FANCD2: variants seen among roughly 807,000 people sequenced by gnomAD.
FANCD2 encodes the protein FA complementation group D2.
A neutral mutation model predicts 192.3 loss-of-function variants in FANCD2; 131 were observed. That is an observed-to-expected ratio of 0.68 (90% CI 0.59 to 0.79). FANCD2 has a LOEUF of 0.79. FANCD2 is among the 30% of genes least tolerant of loss of function. The pLI, the probability that FANCD2 is intolerant of heterozygous loss-of-function variation, is 0.00. For synonymous variants in FANCD2, 524 were observed against 612.5 expected (o/e 0.86, Z 2.13); for missense variants, 1,508 against 1,701.6 (o/e 0.89, Z 2.00).
Position 10,039,842 on chromosome 3 carries a change from TCAGGTGGATAAACC to T in FANCD2, c.694_695+12del, listed in dbSNP as rs755926702. ...CAGCACGCTGATGTGGGGAAAGAAC[TCAGGTGGATAAACC>T]CTCTGTCATCATCTAAGTGAGGCTC... On this transcript the variant is annotated splice_donor_variant and splice_donor_5th_base_variant and coding_sequence_variant and intron_variant, in exon 9 of 44. Coordinates refer to ENST00000675286, the MANE Select transcript of FANCD2 (RefSeq NM_001018115.3). LOFTEE classifies it high-confidence loss of function. 4.3e-6 allele frequency: 7 copies of T among 1,613,974 alleles called. No homozygotes were observed. The South Asian group carries it at 7.7e-5, about 18-fold the overall frequency.
intron 26 of FANCD2, among the ~76,000 whole-genome samples, chr3:10,068,017 T>C (rs957063497): frequency 1.3e-5 from 2 of 152,160 alleles, no homozygotes; most frequent in African/African-American, 4.8e-5. Context: ...TATAGATCCA[T>C]AGCTACTATT....
chr3:10,096,290 A>G, intron 41 of FANCD2, 36 bp from the exon 42 acceptor site: 1 of 1,611,136 alleles, frequency 6.2e-7, no homozygotes, highest in Non-Finnish European at 8.5e-7. Flanking sequence ...ATGATGATAA[A>G]CTCACAAAAG....
chr3:10,043,002 C>T (rs371463731), intron 11 of FANCD2, 48 bp from the exon 12 acceptor site: 2 of 1,485,178 alleles, frequency 1.3e-6, no homozygotes, highest in East Asian at 2.3e-5. Flanking sequence ...ACTGTGCCTA[C>T]CCACTATGAA....
Position 10,028,740 on chromosome 3 carries a change from G to A in FANCD2, c.64+19G>A, listed in dbSNP as rs764665698. 1 of 1,605,568 alleles carries A rather than the reference G, an allele frequency of 6.2e-7. No homozygotes were observed. The highest frequency in any genetic ancestry group is 1.1e-5 in the South Asian group (1 of 90,934). ...GCCTCCAGTAAGTATCTAGTCATTT[G>A]TTGCTTTATTTCCTGTAGCAATGTG... On this transcript the variant is annotated intron_variant, in intron 2 of 43. Transcript: ENST00000675286.
chr3:10,065,677 T>C lies in FANCD2; in HGVS notation c.2269+183T>C, dbSNP rs140509904. ...GAATCCCATTATGTTAACAAATCAA[T>C]TGTTGCAAAAACTTTCTAGTTATAT... On this transcript the variant is annotated intron_variant, in intron 24 of 43. Transcript: ENST00000675286. Among the ~76,000 whole-genome samples, 234 of 152,350 alleles carry C rather than the reference T, an allele frequency of 1.5e-3. 2 individuals carry two copies. Among genetic ancestry groups the C allele is most frequent in the African/African-American group, 5.6e-3 (231 of 41,586 alleles).
intron 43 of FANCD2, chr3:10,099,428 AGCT>A: frequency 6.7e-6 from 5 of 744,494 alleles, no homozygotes; most frequent in Non-Finnish European, 8.7e-6. Flanking sequence ...CTCAAGGCAA[AGCT>A]GCACAACATA....
chr3:10,033,799 C>T, intron 3 of FANCD2, among the ~76,000 whole-genome samples: 1 of 15,438 alleles, frequency 6.5e-5, no homozygotes, highest in Non-Finnish European at 9.8e-5. Context: ...CTCCCAGGTT[C>T]ACACCATTCT....
Position 10,032,862 on chromosome 3 carries a change from CAAAG to C in FANCD2, c.99_102del (p.Lys33AsnfsTer16), listed in dbSNP as rs1283566463. 3 of 1,612,834 alleles carry C rather than the reference CAAAG, an allele frequency of 1.9e-6. No homozygotes were observed. The African/African-American group carries it at 4.0e-5, about 22-fold the overall frequency. ...AGGAAGCAACCACTTTCCAAAAAGACAAAGAAATCTCATATTGCTAATGAAGTTG... is the reference window on the plus strand; with the variant it reads ...AGGAAGCAACCACTTTCCAAAAAGACAAATCTCATATTGCTAATGAAGTTG... On this transcript the variant is annotated frameshift_variant, in exon 3 of 44. Transcript: ENST00000675286. LOFTEE classifies it high-confidence loss of function.
intron 37 of FANCD2, among the ~76,000 whole-genome samples, chr3:10,091,607 T>C (rs1190079268): frequency 6.6e-6 from 1 of 151,960 alleles, no homozygotes; most frequent in Non-Finnish European, 1.5e-5. Context: ...ACAGGCTGGC[T>C]TACCTCATGC....
Position 10,072,280 on chromosome 3 carries a change from C to T in FANCD2, c.2495-591C>T, listed in dbSNP as rs1575808120. ...GCCATAAATATATATATACCTTTCCCTTTTTTTTTTTTTTTTGAGACAGAG... is the reference window on the plus strand; with the variant it reads ...GCCATAAATATATATATACCTTTCCTTTTTTTTTTTTTTTTTGAGACAGAG... On this transcript the variant is annotated intron_variant, in intron 26 of 43. Coordinates refer to ENST00000675286, the MANE Select transcript of FANCD2 (RefSeq NM_001018115.3). Among the ~76,000 whole-genome samples, 7 of 139,402 alleles carry T rather than the reference C, an allele frequency of 5.0e-5. No individual in the cohort carries two copies. The South Asian group carries it at 1.6e-3, about 32-fold the overall frequency. 91.5% of individuals were successfully genotyped at this position (139,402 alleles called of 152,430 possible).
chr3:10,040,464 G>C, intron 9 of FANCD2: 1 of 455,446 alleles, frequency 2.2e-6, no homozygotes, highest in Non-Finnish European at 4.4e-6. Context: ...TTCTTCAGGG[G>C]GTCCTTAACC....
intron 42 of FANCD2, among the ~76,000 whole-genome samples, chr3:10,097,953 A>G (rs1291209602): frequency 1.3e-5 from 2 of 151,852 alleles, no homozygotes; most frequent in African/African-American, 4.9e-5. Context: ...ACTTCCCGCA[A>G]CAATCTCTAA....
rs577824534 is a variant in FANCD2, at chr3:10,031,450, C to G, written c.65-1382C>G. ...CCGGGAGGCGGAGCTTGCAGTGAGC[C>G]AAGATCGCGCCACTGCACTCCAGCC... On this transcript the variant is annotated intron_variant, in intron 2 of 43. Coordinates refer to ENST00000675286, the MANE Select transcript of FANCD2 (RefSeq NM_001018115.3). Among the ~76,000 whole-genome samples the G allele has an allele frequency of 1.6e-4, 24 of 146,546 alleles. No homozygotes were observed. The East Asian group carries it at 4.5e-3, about 27-fold the overall frequency.
intron 26 of FANCD2, among the ~76,000 whole-genome samples, chr3:10,072,088 G>T (rs1693284561): frequency 6.6e-6 from 1 of 152,076 alleles, no homozygotes; most frequent in South Asian, 2.1e-4. Context: ...GCACAACAGG[G>T]TGACTACAGT....
chr3:10,083,149 C>G (rs1471587413), intron 32 of FANCD2, among the ~76,000 whole-genome samples: 1 of 152,002 alleles, frequency 6.6e-6, no homozygotes, highest in African/African-American at 2.4e-5. Context: ...ATGGCTTGAG[C>G]CTGTGAGGCA....
At chr3:10,087,088 A>C (rs1240293213) in intron 33 of FANCD2, 46 bp from the exon 34 acceptor site, 5 of 1,608,620 alleles carry the variant, frequency 3.1e-6, no homozygotes, top group Non-Finnish European at 4.3e-6. Context: ...TATCTGTGAC[A>C]CATAGGATAC....
At chr3:10,039,687 T>C (rs2124984885) in intron 8 of FANCD2, 34 bp from the exon 9 acceptor site, 2 of 1,613,282 alleles carry the variant, frequency 1.2e-6, no homozygotes, top group Admixed American at 1.7e-5. Flanking sequence ...TTCTGGGTAA[T>C]GTGCTGCAGT....
intron 22 of FANCD2, 38 bp downstream of exon 22, chr3:10,064,467 G>A (rs2125034332): frequency 1.3e-6 from 2 of 1,554,808 alleles, no homozygotes; most frequent in Non-Finnish European, 1.8e-6. Flanking sequence ...TTGCACTGGT[G>A]AAGTTACATC....
At chr3:10,047,762 G>A (rs1324918834) in intron 15 of FANCD2, among the ~76,000 whole-genome samples, 155 bp from the exon 16 acceptor site, 1 of 152,184 alleles carries the variant, frequency 6.6e-6, no homozygotes, top group Non-Finnish European at 1.5e-5. Context: ...AATGATGAAG[G>A]ATTATTTTTG....
Sources: allele counts gnomAD v4.1 joint callset (sites outside exome capture counted in the v4.1 genomes callset), GRCh38; gene constraint gnomAD v4.1.1; transcripts MANE v1.5; gene names NCBI Gene and HGNC (gene_info 2026-07-23, HGNC 2026-07-21).